Variants in GEMIN5 observed in about 807,000 individuals in gnomAD.
GEMIN5 encodes the protein gem nuclear organelle associated protein 5.
Under a neutral mutation model 176.9 loss-of-function variants are expected in GEMIN5, and 124 were observed. The ratio of observed to expected loss-of-function variants is 0.70; its 90% CI spans 0.61 to 0.81. The LOEUF (loss-of-function observed/expected upper bound fraction) is 0.81, where lower values mean the gene tolerates loss of function less well. Ranked by LOEUF, GEMIN5 falls within the 40% of genes least tolerant of loss-of-function variation. The probability of loss-of-function intolerance (pLI) is 0.00; values close to 1 mark genes in which losing one functional copy is unlikely to be tolerated. For synonymous variants in GEMIN5, 673 were observed against 665.2 expected, an observed-to-expected ratio of 1.01 and a Z score of -0.18; for missense variants, 1,843 against 1,814.6, an observed-to-expected ratio of 1.02 and a Z score of -0.28.
chr5:154,919,785 G>A lies in GEMIN5; in HGVS notation c.1599+182C>T, dbSNP rs113785684. On this transcript the variant is annotated intron_variant, in intron 11 of 27. Coordinates refer to ENST00000285873, the MANE Select transcript of GEMIN5 (RefSeq NM_015465.5). ...TGAGAAGTACCTCTTTGTTTTATTC[G>A]AGGATAAAGACTCCTAAGATATATA... Among the ~76,000 whole-genome samples, 1,097 of 151,722 alleles carry A rather than the reference G, an allele frequency of 7.2e-3. 3 individuals are homozygous for A. The highest frequency in any genetic ancestry group is 0.011 in the Non-Finnish European group (737 of 67,934).
In GEMIN5 at chr5:154,938,102, G is replaced by A; in HGVS notation, c.32C>T (p.Ser11Phe). 2 of 1,421,200 alleles carry A rather than the reference G, an allele frequency of 1.4e-6. No homozygotes were observed. The highest frequency in any genetic ancestry group is 9.2e-7 in the Non-Finnish European group (1 of 1,085,128). The allele number at this position is 1,421,200 out of a possible 1,614,324, so 88.0% of individuals were successfully genotyped here. MGQEPRTLPP[S>F]PNWYCARCSD... ...GCAGCGGGCGCAGTACCAGTTGGGG[G>A]AGGGCGGCAGCGTCCGCGGCTCCTG... Residue 11 changes from serine to phenylalanine, a missense_variant, in exon 1 of 28, where the codon TCC becomes TTC. Physicochemically the swap from Ser to Phe is radical, Grantham distance 155. Transcript: ENST00000285873.
chr5:154,912,097 G>C (rs1460640068), intron 14 of GEMIN5, among the ~76,000 whole-genome samples, 199 bp from the exon 15 acceptor site: 1 of 152,182 alleles, frequency 6.6e-6, no homozygotes, highest in Non-Finnish European at 1.5e-5. Flanking sequence ...TGTGCTTGGA[G>C]ATGCATAGAC....
At chr5:154,916,611 C>T (rs1318276831) in intron 13 of GEMIN5, among the ~76,000 whole-genome samples, 2 of 152,112 alleles carry the variant, frequency 1.3e-5, no homozygotes, top group Non-Finnish European at 2.9e-5. Context: ...GCTCAGCCTC[C>T]CAAGTAGCTG....
chr5:154,892,772 C>A (rs1040953522), intron 24 of GEMIN5: 9 of 513,012 alleles, frequency 1.8e-5, no homozygotes, highest in Admixed American at 3.5e-5. Context: ...TCTGTTCACA[C>A]TGAGAAAACA....
chr5:154,922,316 T>C (rs1763939770), intron 9 of GEMIN5, among the ~76,000 whole-genome samples: 2 of 152,080 alleles, frequency 1.3e-5, no homozygotes, highest in African/African-American at 2.4e-5. Context: ...TACAGGCACC[T>C]GCCACCAAGC....
chr5:154,901,693 T>G (rs777904936), intron 20 of GEMIN5, among the ~76,000 whole-genome samples: 3 of 152,308 alleles, frequency 2.0e-5, no homozygotes, highest in Middle Eastern at 3.4e-3. Flanking sequence ...AACAAAACAG[T>G]ACAAAGTTGA....
At position 154,899,177 on chromosome 5, in the gene GEMIN5, C is replaced by T; in HGVS notation, c.3134+14G>A. 6.2e-7 allele frequency: 1 copy of T among 1,603,728 alleles called. No individual in the cohort carries two copies. The highest frequency in any genetic ancestry group is 8.5e-7 in the Non-Finnish European group (1 of 1,175,488). Reference sequence around the variant, plus strand: ...CTCCTATGTTGGAAGCATCCCTCCACTCCTCAGGCTTACCATTTGGCAGCT... The same window carrying T: ...CTCCTATGTTGGAAGCATCCCTCCATTCCTCAGGCTTACCATTTGGCAGCT... On this transcript the variant is annotated intron_variant, in intron 22 of 27. Coordinates refer to ENST00000285873, the MANE Select transcript of GEMIN5 (RefSeq NM_015465.5).
chr5:154,918,080 T>C (rs1741692743), intron 11 of GEMIN5, 76 bp from the exon 12 acceptor site: 11 of 879,788 alleles, frequency 1.3e-5, no homozygotes, highest in African/African-American at 8.4e-5. Flanking sequence ...GAAAAAAAAA[T>C]CCCTAGAGTT....
At position 154,911,794 on chromosome 5, in the gene GEMIN5, T is replaced by C. The variant is rs763074328; in HGVS notation, c.2100A>G (p.Ser700=). 10 of 1,613,746 alleles carry C rather than the reference T, an allele frequency of 6.2e-6. No individual in the cohort carries two copies. The Admixed American group carries it at 1.3e-4, about 22-fold the overall frequency. The change falls in exon 15 of 28, where the codon TCA becomes TCG. Residue 700 remains serine, a synonymous_variant. Transcript: ENST00000285873. The stretch of plus-strand genomic sequence containing the variant: ...TGTGCACACAAAAGTCATCTGCCCC[T>C]GAATAGATGCAGTCTGGATCCAAAG... ...WSPLDPDCIY[S]GADDFCVHKW...
Position 154,901,288 on chromosome 5 carries a change from T to C in GEMIN5, c.3014+51A>G, listed in dbSNP as rs369151963. On this transcript the variant is annotated intron_variant, in intron 21 of 27. Transcript: ENST00000285873. ...TACTTTAACAATAGAGAAGTTTAGG[T>C]TATTTTCACATTATGTCCAAGTATT... is the stretch of plus-strand genomic sequence containing the variant. 5.9e-6 allele frequency: 9 copies of C among 1,534,542 alleles called. No individual in the cohort carries two copies. The African/African-American group carries it at 1.2e-4, about 21-fold the overall frequency.
intron 16 of GEMIN5, among the ~76,000 whole-genome samples, 157 bp from the exon 17 acceptor site, chr5:154,905,633 G>A: frequency 6.6e-6 from 1 of 152,002 alleles, no homozygotes; most frequent in East Asian, 1.9e-4. Flanking sequence ...AAAAGAAGTA[G>A]GAGTAGTTTC....
chr5:154,901,556 G>A, intron 20 of GEMIN5, 70 bp from the exon 21 acceptor site: 1 of 1,492,842 alleles, frequency 6.7e-7, no homozygotes, highest in Non-Finnish European at 9.2e-7. Context: ...CAGTACATTT[G>A]GGTTGAAAAA....
chr5:154,924,326 G>A (rs1272336230), intron 9 of GEMIN5, 143 bp downstream of exon 9: 13 of 645,728 alleles, frequency 2.0e-5, no homozygotes, highest in South Asian at 3.6e-5. Flanking sequence ...AAATGTGGAA[G>A]AGTCTACCAA....
In GEMIN5 at chr5:154,912,987, G is replaced by C. The variant is rs757560965; in HGVS notation, c.1907C>G (p.Ser636Ter). 3.7e-6 allele frequency: 6 copies of C among 1,613,374 alleles called. No homozygotes were observed. Among genetic ancestry groups the C allele is most frequent in the Non-Finnish European group, 1.7e-6 (2 of 1,179,444 alleles). Reference protein sequence around the residue: ...VTITEPYRTLSGHTAKITSVA... With the variant: ...VTITEPYRTL ...ACTGGTAATCTTGGCCGTATGCCCT[G>C]AGAGGGTCCGGTAGGGCTCTGTAAT... is the stretch of plus-strand genomic sequence containing the variant. Residue 636 changes from serine to a stop codon, truncating the protein, a stop_gained, in exon 14 of 28, where the codon TCA becomes TGA. Coordinates refer to ENST00000285873, the MANE Select transcript of GEMIN5 (RefSeq NM_015465.5). LOFTEE classifies it high-confidence loss of function.
chr5:154,925,564 G>T (rs1764012444), intron 8 of GEMIN5, among the ~76,000 whole-genome samples: 1 of 152,082 alleles, frequency 6.6e-6, no homozygotes, highest in African/African-American at 2.4e-5. Context: ...ATAATTTGAT[G>T]CCATTCCAAC....
Position 154,920,122 on chromosome 5 carries a change from G to A in GEMIN5, c.1463-19C>T. On this transcript the variant is annotated intron_variant, in intron 10 of 27. Transcript: ENST00000285873. The stretch of plus-strand genomic sequence containing the variant: ...TCTCCTCCTGTATGAAATAAGAAAA[G>A]AAACTTATCAGTTTTGTACTTCATC... 1 of 1,602,988 alleles carries A rather than the reference G, an allele frequency of 6.2e-7. No homozygotes were observed.
chr5:154,908,657 A>G lies in GEMIN5; in HGVS notation c.2168-839T>C, dbSNP rs1188653780. Among the ~76,000 whole-genome samples, 4 of 152,102 alleles carry G rather than the reference A, an allele frequency of 2.6e-5. No homozygotes were observed. In the East Asian group the frequency reaches 7.7e-4, roughly 29 times the overall value. ...CAGTTATTTTGTCCAATTTCCCTCA[A>G]TTTAGGTCTGCCAGATGTTTTTCAT... On this transcript the variant is annotated intron_variant, in intron 15 of 27. Coordinates refer to ENST00000285873, the MANE Select transcript of GEMIN5 (RefSeq NM_015465.5).
chr5:154,902,108 C>CTT lies in GEMIN5; in HGVS notation c.2866+429_2866+430dup, dbSNP rs946131345. ...TGAATCAGGAATCACCACACCCAGC[C>CTT]TTTTTTTTTTTTAAAGAGACAAGGT... On this transcript the variant is annotated intron_variant, in intron 20 of 27. Transcript: ENST00000285873. 2.4e-3 allele frequency among the ~76,000 whole-genome samples: 345 copies of CTT among 145,814 alleles called. 2 individuals carry two copies. Among genetic ancestry groups the CTT allele is most frequent in the African/African-American group, 7.9e-3 (316 of 39,944 alleles).
intron 21 of GEMIN5, 58 bp from the exon 22 acceptor site, chr5:154,899,368 T>C: frequency 7.1e-7 from 1 of 1,416,876 alleles, no homozygotes; most frequent in South Asian, 1.6e-5. Context: ...TGTATGGTCC[T>C]AGGAGGGGCT....
Sources: allele counts gnomAD v4.1 joint callset (sites outside exome capture counted in the v4.1 genomes callset), GRCh38; gene constraint gnomAD v4.1.1; transcripts MANE v1.5; gene names NCBI Gene and HGNC (gene_info 2026-07-23, HGNC 2026-07-21).